The following GNL3L variants were observed in gnomAD, a reference collection of about 807,000 sequenced individuals.
The protein encoded by GNL3L is G protein nucleolar 3 like, also known as guanine nucleotide-binding protein-like 3-like protein.
In GNL3L, 4 loss-of-function variants were observed where a neutral mutation model predicts 42.9. The ratio of observed to expected loss-of-function variants is 0.09; its 90% CI spans 0.05 to 0.21. The LOEUF is 0.21. Ranked by LOEUF, GNL3L falls within the 10% of genes least tolerant of loss-of-function variation. The pLI is 1.00. For missense variants in GNL3L, 412 were observed against 481.7 expected, an observed-to-expected ratio of 0.86 and a Z score of 1.36; for synonymous variants, 159 against 176.3, an observed-to-expected ratio of 0.90 and a Z score of 0.78.
At chrX:54,631,727 C>T in the GNL3L span, among the ~76,000 whole-genome samples, 5 of 111,644 alleles carry the variant, frequency 4.5e-5, no homozygotes, top group Non-Finnish European at 9.4e-5. Flanking sequence ...TTCTGCCATT[C>T]TGTATCTTTT....
chrX:54,596,041 G>A (rs1269798280), intron 16 of GNL3L, among the ~76,000 whole-genome samples: 1 of 111,815 alleles, frequency 8.9e-6, no homozygotes, highest in Non-Finnish European at 1.9e-5. Context: ...TAGTTCATCT[G>A]GTAAGCTAAA....
At chrX:54,569,903 T>C (rs1925519231), downstream of GNL3L, among the ~76,000 whole-genome samples, 1 of 112,273 alleles carries the variant, frequency 8.9e-6, no homozygotes, top group Non-Finnish European at 1.9e-5. Flanking sequence ...TTTAATTACA[T>C]TATGGTAAAG....
chrX:54,630,716 C>CT, the GNL3L span, among the ~76,000 whole-genome samples: 410 of 70,030 alleles, frequency 5.9e-3, 15 homozygotes, highest in African/African-American at 0.034. Context: ...CTTTTTCTTT[C>CT]TTTCTTTCTT....
At chrX:54,605,362 A>G (rs1327223916) in intron 16 of GNL3L, among the ~76,000 whole-genome samples, 1 of 111,580 alleles carries the variant, frequency 9.0e-6, no homozygotes, top group Non-Finnish European at 1.9e-5. Context: ...CCTTTGTCCA[A>G]CCAAATCCTG....
chrX:54,639,504 C>T, the GNL3L span, among the ~76,000 whole-genome samples: 1 of 111,706 alleles, frequency 9.0e-6, no homozygotes, highest in Admixed American at 9.4e-5. Flanking sequence ...ACTCTTGGAG[C>T]GGGGAGGCCA....
At chrX:54,640,763 A>G in the GNL3L span, among the ~76,000 whole-genome samples, 1 of 112,474 alleles carries the variant, frequency 8.9e-6, no homozygotes, top group African/African-American at 3.2e-5. Flanking sequence ...ATCAGAAGCC[A>G]AGTCCGAAAT....
chrX:54,540,101 T>A, intron 3 of GNL3L, 34 bp from the exon 4 acceptor site: 1 of 955,510 alleles, frequency 1.0e-6, no homozygotes, highest in Non-Finnish European at 1.5e-6. Context: ...ATGGGTTCAT[T>A]ACCTCTGTTT....
chrX:54,629,374 C>T, the GNL3L span, among the ~76,000 whole-genome samples: 1 of 111,502 alleles, frequency 9.0e-6, no homozygotes, highest in African/African-American at 3.3e-5. Context: ...AACTTTTCCC[C>T]ATTCAGTGTA....
In GNL3L at chrX:54,563,025, C is replaced by T. The variant is rs750593913; in HGVS notation, c.*2423C>T. The stretch of plus-strand genomic sequence containing the variant: ...ATTTTTTCTTTTTTGGTTTAAAAAA[C>T]TCTAGTTTCTTAAACTACTAGTTTT... On this transcript the variant is annotated 3_prime_UTR_variant, in exon 16 of 16. Transcript: ENST00000360845. 9.7e-4 allele frequency among the ~76,000 whole-genome samples: 108 copies of T among 111,474 alleles called. No homozygotes were observed. The highest frequency in any genetic ancestry group is 1.4e-3 in the Non-Finnish European group (72 of 53,158).
intron 14 of GNL3L, among the ~76,000 whole-genome samples, chrX:54,555,509 C>T (rs1173882243): frequency 9.1e-6 from 1 of 109,643 alleles, no homozygotes; most frequent in Non-Finnish European, 1.9e-5. Flanking sequence ...CTCGCTCTGC[C>T]ACCCAGGCTG....
At position 54,563,091 on chromosome X, in the gene GNL3L, A is replaced by G. The variant is rs1024596721; in HGVS notation, c.*2489A>G. Among the ~76,000 whole-genome samples, 4 of 112,173 alleles carry G rather than the reference A, an allele frequency of 3.6e-5. No individual in the cohort carries two copies. The highest frequency in any genetic ancestry group is 6.5e-5 in the African/African-American group (2 of 30,871). On this transcript the variant is annotated 3_prime_UTR_variant, in exon 16 of 16. Coordinates refer to ENST00000360845, the MANE Select transcript of GNL3L (RefSeq NM_001184819.2). ...ACTATGTGCTCTTGAATAGGCTACA[A>G]CTTATTTCACACTATCTCATTGAAC... is the stretch of plus-strand genomic sequence containing the variant.
chrX:54,558,452 G>C lies in GNL3L; in HGVS notation c.1463G>C (p.Gly488Ala). ...TTVYKIGDLT[G>A]YCTNPNRHQM... ...TCTTCCTAGATTGGAGATCTCACTG[G>C]GTATTGCACCAATCCGAACCGTCAT... Residue 488 changes from glycine (G) to alanine (A), a missense_variant, in exon 15 of 16, where the codon GGG (glycine) becomes GCG (alanine). Physicochemically the swap from Gly to Ala is moderately conservative, Grantham distance 60. Transcript: ENST00000360845. 8.4e-7 allele frequency: 1 copy of C among 1,196,540 alleles called. No individual in the cohort carries two copies. The highest frequency in any genetic ancestry group is 1.1e-6 in the Non-Finnish European group (1 of 881,999).
At chrX:54,581,158 A>G (rs1335661263) in intron 16 of GNL3L, among the ~76,000 whole-genome samples, 6 of 112,405 alleles carry the variant, frequency 5.3e-5, no homozygotes, top group African/African-American at 1.9e-4. Context: ...GTTTCCCCCA[A>G]TGGTAACATC....
chrX:54,644,374 T>A, the GNL3L span, among the ~76,000 whole-genome samples: 1 of 112,467 alleles, frequency 8.9e-6, no homozygotes, highest in Non-Finnish European at 1.9e-5. Context: ...TTCATCCATG[T>A]TGTCTGCTAG....
downstream of GNL3L, among the ~76,000 whole-genome samples, chrX:54,621,803 C>T (rs1158154080): frequency 9.0e-6 from 1 of 110,774 alleles, no homozygotes; most frequent in Non-Finnish European, 1.9e-5. Context: ...GAGGCCCTCT[C>T]TCAATAAAAA....
chrX:54,610,533 C>T (rs943340558), intron 16 of GNL3L, among the ~76,000 whole-genome samples: 3 of 110,847 alleles, frequency 2.7e-5, no homozygotes, highest in Non-Finnish European at 5.7e-5. Context: ...CCTTGTATGC[C>T]GATTTTGCTG....
chrX:54,620,108 A>G (rs1345898671), intron 16 of GNL3L, among the ~76,000 whole-genome samples: 2 of 111,920 alleles, frequency 1.8e-5, no homozygotes, highest in African/African-American at 3.2e-5. Flanking sequence ...TCAAGCATTT[A>G]TCCTTTGTGT....
intron 16 of GNL3L, among the ~76,000 whole-genome samples, chrX:54,583,498 ATTTT>A (rs1212158541): frequency 9.3e-6 from 1 of 107,442 alleles, no homozygotes; most frequent in East Asian, 3.0e-4. Context: ...CCGGCCATTG[ATTTT>A]TTTTCTTTAT....
chrX:54,587,546 G>T (rs1212375585), intron 16 of GNL3L, among the ~76,000 whole-genome samples: 9 of 111,317 alleles, frequency 8.1e-5, no homozygotes, highest in Admixed American at 7.6e-4. Context: ...ATATAGTATA[G>T]CTCCACTAAT....
Sources: gnomAD v4.1 joint callset for allele counts (sites outside exome capture counted in the v4.1 genomes callset) on GRCh38, gnomAD v4.1.1 for gene constraint, MANE v1.5 for transcripts, NCBI Gene and HGNC (gene_info 2026-07-23, HGNC 2026-07-21) for gene names.